The following DHX8 variants were observed in gnomAD, a reference collection of about 807,000 sequenced individuals.
The protein encoded by DHX8 is ATP-dependent RNA helicase DHX8.
Under a neutral mutation model 140.7 loss-of-function variants are expected in DHX8, and 67 were observed. That is an observed-to-expected ratio of 0.48 (90% confidence interval 0.39 to 0.58). The LOEUF is 0.58. Among genes scored for constraint, DHX8 ranks in the 20% least tolerant of loss-of-function variants. The pLI, the probability that DHX8 is intolerant of heterozygous loss-of-function variation, is 0.00. For synonymous variants in DHX8, 533 were observed against 553.2 expected (o/e 0.96, Z 0.51); for missense variants, 887 against 1,550.7 (o/e 0.57, Z 7.19).
intron 16 of DHX8, among the ~76,000 whole-genome samples, chr17:43,512,513 G>A (rs755183724): frequency 6.6e-6 from 1 of 152,142 alleles, no homozygotes; most frequent in Non-Finnish European, 1.5e-5. Flanking sequence ...TCAGGTTTCT[G>A]GCTTGGGCAG....
Position 43,520,765 on chromosome 17 carries a change from T to G in DHX8, c.2952T>G (p.Pro984=), listed in dbSNP as rs1970335563. 6.2e-7 allele frequency: 1 copy of G among 1,613,972 alleles called. No individual in the cohort carries two copies. Among genetic ancestry groups the G allele is most frequent in the South Asian group, 1.1e-5 (1 of 91,076 alleles). ...TGTCCCTCTAGATGGCAGAGTTCCC[T>G]CTGGAGCCAATGCTATGCAAAATGC... ...TRLGRRMAEF[P]LEPMLCKMLI... Residue 984 remains proline, a synonymous_variant, in exon 20 of 23, where the codon CCT becomes CCG. Transcript: ENST00000262415.
At chr17:43,495,755 G>A (rs531281864) in intron 8 of DHX8, among the ~76,000 whole-genome samples, 2 of 152,174 alleles carry the variant, frequency 1.3e-5, no homozygotes, top group African/African-American at 4.8e-5. Flanking sequence ...GGTCAGAGGA[G>A]AAAAAAACTG....
At chr17:43,542,225 A>G (rs1027500707) in intron 3 of DHX8, among the ~76,000 whole-genome samples, 3 of 152,252 alleles carry the variant, frequency 2.0e-5, no homozygotes, top group Non-Finnish European at 2.9e-5. Context: ...TCCTAAAAAA[A>G]TCCATACACC....
At chr17:43,528,581 A>G (rs561366431), downstream of DHX8, 13 of 1,614,044 alleles carry the variant, frequency 8.1e-6, no homozygotes, top group Admixed American at 2.2e-4. Flanking sequence ...TCTGGGAGGT[A>G]GGCGGGGCTC....
chr17:43,496,660 G>A (rs1446769281), intron 9 of DHX8, among the ~76,000 whole-genome samples: 6 of 151,984 alleles, frequency 3.9e-5, no homozygotes, highest in Non-Finnish European at 7.4e-5. Context: ...CATGCCTATC[G>A]TCCCAGCTAC....
At chr17:43,536,811 G>A (rs1971267228) in intron 3 of DHX8, among the ~76,000 whole-genome samples, 1 of 152,260 alleles carries the variant, frequency 6.6e-6, no homozygotes, top group Admixed American at 6.5e-5. Context: ...GCTTGCTTGA[G>A]ACTAAAGGCT....
At chr17:43,521,657 G>A (rs751316906) in intron 21 of DHX8, 92 bp downstream of exon 21, 1 of 1,265,672 alleles carries the variant, frequency 7.9e-7, no homozygotes, top group South Asian at 1.5e-5. Context: ...AAAGCTATAG[G>A]CACCTTTTCT....
chr17:43,484,065 G>A lies in DHX8; in HGVS notation c.28G>A (p.Ala10Thr), dbSNP rs752894787. The A allele has an allele frequency of 1.7e-5, 28 of 1,614,080 alleles. No homozygotes were observed. The highest frequency in any genetic ancestry group is 8.9e-5 in the East Asian group (4 of 44,890). Residue 10 changes from alanine (A) to threonine (T), a missense_variant, in exon 1 of 23, where the codon GCC (alanine) becomes ACC (threonine). By Grantham distance (58) the Ala-to-Thr change is moderately conservative. This residue lies in a region of DHX8 where 32 missense variants were observed against 25.1 expected (regional missense o/e 1.28). Coordinates refer to ENST00000262415, the MANE Select transcript of DHX8 (RefSeq NM_004941.3). MAVAVAMAG[A>T]LIGSEPGPAE... ...GGCTGTGGCTGTAGCCATGGCGGGA[G>A]CCTTAATCGGGTCGGAGCCAGGCCC...
rs2154586943 is a variant in DHX8, at chr17:43,524,155, G to A, written c.*308G>A. The A allele has an allele frequency of 4.9e-6, 6 of 1,227,334 alleles. No individual in the cohort carries two copies. Among genetic ancestry groups the A allele is most frequent in the Middle Eastern group, 3.5e-4 (1 of 2,870 alleles). The allele number at this position is 1,227,334 out of a possible 1,614,324, so 76.0% of individuals were successfully genotyped here. On this transcript the variant is annotated 3_prime_UTR_variant, in exon 23 of 23. Transcript: ENST00000262415. ...TTGTGCAGCTCCAGGATGGGAAGGT[G>A]GAGTGGGTGAGCATCTTGTGCAGGG...
chr17:43,524,801 C>T lies in DHX8; in HGVS notation c.*954C>T. ...ATTTTATGGTCAAAACCTCCCTTTC[C>T]CCACTCCAAACAGAAAACAAACATA... On this transcript the variant is annotated 3_prime_UTR_variant, in exon 23 of 23. Transcript: ENST00000262415. 1.0e-6 allele frequency: 1 copy of T among 985,318 alleles called. No homozygotes were observed. Among genetic ancestry groups the T allele is most frequent in the East Asian group, 1.1e-4 (1 of 8,808 alleles). 61.0% of individuals were successfully genotyped at this position (985,318 alleles called of 1,614,324 possible).
intron 1 of DHX8, among the ~76,000 whole-genome samples, chr17:43,488,460 A>G (rs1028150146): frequency 1.3e-5 from 2 of 151,220 alleles, no homozygotes; most frequent in African/African-American, 2.4e-5. Flanking sequence ...AAATACAAAA[A>G]ATTAGCCAGG....
At chr17:43,543,651 A>G (rs1270645254) in intron 3 of DHX8, among the ~76,000 whole-genome samples, 1 of 152,106 alleles carries the variant, frequency 6.6e-6, no homozygotes, top group Non-Finnish European at 1.5e-5. Flanking sequence ...ACCTCAGAAG[A>G]AGGATGGGGA....
At position 43,504,763 on chromosome 17, in the gene DHX8, A is replaced by C. The variant is rs751932636; in HGVS notation, c.1666A>C (p.Met556Leu). The change falls in exon 12 of 23, where the codon ATG becomes CTG. Residue 556 changes from methionine (M) to leucine (L), a missense_variant. Transcript: ENST00000262415. ...AGCCTCTTACGGAAAAAAGACCCAG[A>C]TGTCAATCCTTGAGCAGAGGGAGAG... The part of the protein sequence containing the change: ...NKASYGKKTQ[M>L]SILEQRESLP... 6.2e-7 allele frequency: 1 copy of C among 1,614,172 alleles called. No homozygotes were observed. Among genetic ancestry groups the C allele is most frequent in the East Asian group, 2.2e-5 (1 of 44,870 alleles).
chr17:43,490,269 A>C (rs750155835), intron 2 of DHX8, 122 bp from the exon 3 acceptor site: 94 of 695,454 alleles, frequency 1.4e-4, no homozygotes, highest in Non-Finnish European at 3.5e-5. Context: ...TGTTTCATGT[A>C]TTCCAATTAG....
chr17:43,535,804 G>C (rs915433954), intron 2 of DHX8, among the ~76,000 whole-genome samples: 6 of 152,164 alleles, frequency 3.9e-5, no homozygotes, highest in Non-Finnish European at 8.8e-5. Context: ...CCAGTTTATG[G>C]AAGTGACTTA....
Position 43,493,745 on chromosome 17 carries a change from G to T in DHX8, c.1071G>T (p.Glu357Asp), listed in dbSNP as rs764176217. 1.2e-6 allele frequency: 2 copies of T among 1,614,212 alleles called. No homozygotes were observed. Among genetic ancestry groups the T allele is most frequent in the Admixed American group, 1.7e-5 (1 of 60,032 alleles). ...ATAGACGGCGAAATCTTGTCGGGGA[G>T]ACCAATGAGGAGACCTCAATGCGGA... ...NPNRRRNLVG[E>D]TNEETSMRNP... The change falls in exon 8 of 23, where the codon GAG becomes GAT. Residue 357 changes from glutamate (E) to aspartate (D), a missense_variant. By Grantham distance (45) the Glu-to-Asp change is conservative. Transcript: ENST00000262415.
Position 43,518,357 on chromosome 17 carries a change from C to T in DHX8, c.2799+1035C>T, listed in dbSNP as rs1970214963. The T allele has an allele frequency of 2.0e-5, 3 of 152,194 alleles. No individual in the cohort carries two copies. In the South Asian group the frequency reaches 6.2e-4, roughly 32 times the overall value. 9.4% of individuals were successfully genotyped at this position (152,194 alleles called of 1,614,324 possible). ...TCATTCAGTCGTTTCTTTTATTCATCGAATTAGCTAATGTATTGAACACAT... is the reference window on the plus strand; with the variant it reads ...TCATTCAGTCGTTTCTTTTATTCATTGAATTAGCTAATGTATTGAACACAT... On this transcript the variant is annotated intron_variant, in intron 18 of 22. Coordinates refer to ENST00000262415, the MANE Select transcript of DHX8 (RefSeq NM_004941.3).
In DHX8 at chr17:43,521,455, C is replaced by T. The variant is rs779745245; in HGVS notation, c.3153C>T (p.Ser1051=). 6.2e-7 allele frequency: 1 copy of T among 1,613,998 alleles called. No homozygotes were observed. The highest frequency in any genetic ancestry group is 1.7e-5 in the Admixed American group (1 of 60,010). Residue 1051 remains serine (S), a synonymous_variant, in exon 21 of 23, where the codon TCC becomes TCT. Transcript: ENST00000262415. The stretch of plus-strand genomic sequence containing the variant: ...TCACCCTGCTAGCTGTGTACAACTC[C>T]TGGAAGAACAACAAGTTCTCCAACC... ...DHLTLLAVYN[S]WKNNKFSNPW...
chr17:43,517,265 C>CACCA lies in DHX8; in HGVS notation c.2745_2748dup (p.Val917GlnfsTer24), dbSNP rs1970159863. 6.2e-7 allele frequency: 1 copy of CACCA among 1,613,932 alleles called. No individual in the cohort carries two copies. The highest frequency in any genetic ancestry group is 8.5e-7 in the Non-Finnish European group (1 of 1,179,994). ...GTGCCTACCGAGATGAAATGCTGACCACCAACGTGCCGGAAATCCAGAGAA... is the reference window on the plus strand; with the variant it reads ...GTGCCTACCGAGATGAAATGCTGACCACCAACCAACGTGCCGGAAATCCAGAGAA... On this transcript the variant is annotated frameshift_variant, in exon 18 of 23. Coordinates refer to ENST00000262415, the MANE Select transcript of DHX8 (RefSeq NM_004941.3). LOFTEE classifies it high-confidence loss of function.
Sources: allele counts gnomAD v4.1 joint callset (sites outside exome capture counted in the v4.1 genomes callset), GRCh38; gene constraint gnomAD v4.1.1; regional missense constraint gnomAD v4.1.1; transcripts MANE v1.5; gene names NCBI Gene and HGNC (gene_info 2026-07-23, HGNC 2026-07-21).